Variants in USH2A observed in about 807,000 individuals in gnomAD.
USH2A encodes the protein usherin.
USH2A carries 443 observed loss-of-function variants against 538.9 expected under a neutral mutation model. The ratio of observed to expected loss-of-function variants is 0.82; its 90% CI spans 0.76 to 0.89. The LOEUF is 0.89. Among genes scored for constraint, USH2A ranks in the 40% least tolerant of loss-of-function variants. The pLI, the probability that USH2A is intolerant of heterozygous loss-of-function variation, is 0.00. For missense variants in USH2A, 6,633 were observed against 6,324.8 expected (o/e 1.05, Z -1.65); for synonymous variants, 2,413 against 2,273.5 (o/e 1.06, Z -1.75).
intron 61 of USH2A, among the ~76,000 whole-genome samples, chr1:215,692,884 T>C (rs1334570919): frequency 6.6e-6 from 1 of 151,890 alleles, no homozygotes; most frequent in Non-Finnish European, 1.5e-5. Context: ...ACAAAAGTTA[T>C]TTATTTACCA....
chr1:216,238,289 G>A (rs1004290991), intron 13 of USH2A, among the ~76,000 whole-genome samples: 9 of 152,126 alleles, frequency 5.9e-5, no homozygotes, highest in Admixed American at 5.2e-4. Context: ...TGCACTCTCT[G>A]CCTCTAGTTC....
intron 35 of USH2A, among the ~76,000 whole-genome samples, chr1:215,990,512 G>C (rs889145608): frequency 6.6e-6 from 1 of 152,120 alleles, no homozygotes; most frequent in Non-Finnish European, 1.5e-5. Flanking sequence ...AATGATTTAT[G>C]GTCCTTAGCA....
intron 20 of USH2A, among the ~76,000 whole-genome samples, chr1:216,182,710 G>C (rs2034518792): frequency 6.6e-6 from 1 of 152,006 alleles, no homozygotes; most frequent in African/African-American, 2.4e-5. Flanking sequence ...ACTAGGTAAG[G>C]ATCAAAATAA....
chr1:216,346,472 G>A (rs944258371), intron 4 of USH2A, among the ~76,000 whole-genome samples: 1 of 151,968 alleles, frequency 6.6e-6, no homozygotes, highest in Non-Finnish European at 1.5e-5. Flanking sequence ...CTTTACATTA[G>A]GAAAGAGCTT....
In USH2A at chr1:215,756,356, A is replaced by T. The variant is rs370385295; in HGVS notation, c.11389+2239T>A. Among the ~76,000 whole-genome samples, 12 of 152,308 alleles carry T rather than the reference A, an allele frequency of 7.9e-5. No individual in the cohort carries two copies. The South Asian group carries it at 2.3e-3, about 29-fold the overall frequency. On this transcript the variant is annotated intron_variant, in intron 58 of 71. Coordinates refer to ENST00000307340, the MANE Select transcript of USH2A (RefSeq NM_206933.4). ...TGAACATGAAGTCTTCAGATTAGCA[A>T]TGGCAACTGATATGTTAAATAATGT...
chr1:215,722,224 T>C (rs60937674), intron 61 of USH2A, among the ~76,000 whole-genome samples: 2,125 of 152,272 alleles, frequency 0.014, 44 homozygotes, highest in African/African-American at 0.049. Context: ...CCAGGAAATA[T>C]GATAATTATT....
At chr1:216,218,001 T>A (rs1365815630) in intron 14 of USH2A, among the ~76,000 whole-genome samples, 1 of 152,062 alleles carries the variant, frequency 6.6e-6, no homozygotes, top group Non-Finnish European at 1.5e-5. Flanking sequence ...GGGTAAATCA[T>A]TGCTCTCCCT....
intron 32 of USH2A, among the ~76,000 whole-genome samples, chr1:216,039,824 A>C (rs1399752247): frequency 2.0e-5 from 3 of 151,922 alleles, no homozygotes; most frequent in Non-Finnish European, 2.9e-5. Context: ...GTAAGACTTA[A>C]GTGTTTGGAA....
chr1:216,342,135 T>G (rs2038087980), intron 4 of USH2A, among the ~76,000 whole-genome samples: 1 of 151,964 alleles, frequency 6.6e-6, no homozygotes, highest in Non-Finnish European at 1.5e-5. Flanking sequence ...GCAAGGAACT[T>G]AAACAAATGT....
chr1:216,160,213 G>T lies in USH2A; in HGVS notation c.4627+15039C>A, dbSNP rs1572010248. The stretch of plus-strand genomic sequence containing the variant: ...GTGTCATATGCTGCTTTAATTTCCT[G>T]GTTTCTTCTTGAGTGGGAAGCTAAT... On this transcript the variant is annotated intron_variant, in intron 21 of 71. Coordinates refer to ENST00000307340, the MANE Select transcript of USH2A (RefSeq NM_206933.4). 4.0e-5 allele frequency among the ~76,000 whole-genome samples: 6 copies of T among 151,336 alleles called. No individual in the cohort carries two copies. The South Asian group carries it at 1.3e-3, about 32-fold the overall frequency.
At chr1:215,676,164 T>C (rs1231057920) in intron 62 of USH2A, among the ~76,000 whole-genome samples, 1 of 152,070 alleles carries the variant, frequency 6.6e-6, no homozygotes, top group Non-Finnish European at 1.5e-5. Flanking sequence ...AGTACAAATA[T>C]CCATACATAT....
intron 61 of USH2A, among the ~76,000 whole-genome samples, chr1:215,681,443 A>C (rs1344488194): frequency 6.6e-6 from 1 of 152,154 alleles, no homozygotes; most frequent in Non-Finnish European, 1.5e-5. Context: ...ATTTACATTC[A>C]ATGATCTGCT....
At position 216,020,849 on chromosome 1, in the gene USH2A, T is replaced by C. The variant is rs183496937; in HGVS notation, c.6326-20287A>G. On this transcript the variant is annotated intron_variant, in intron 32 of 71. Coordinates refer to ENST00000307340, the MANE Select transcript of USH2A (RefSeq NM_206933.4). ...TCATCTGGCTGTTTATATGCATCCT[T>C]TAAAATAAACTGCAATAGTAAGTAG... Among the ~76,000 whole-genome samples, 202 of 152,272 alleles carry C rather than the reference T, an allele frequency of 1.3e-3. 1 individual carries two copies. Among genetic ancestry groups the C allele is most frequent in the African/African-American group, 4.2e-3 (176 of 41,562 alleles).
At chr1:216,068,437 G>C (rs902323939) in intron 30 of USH2A, among the ~76,000 whole-genome samples, 2 of 152,176 alleles carry the variant, frequency 1.3e-5, no homozygotes, top group Admixed American at 6.5e-5. Context: ...CTGGGGGCTT[G>C]TTAAAACAAG....
chr1:215,683,214 T>A (rs1658296693), intron 61 of USH2A, among the ~76,000 whole-genome samples: 1 of 88,802 alleles, frequency 1.1e-5, no homozygotes, highest in Non-Finnish European at 2.2e-5. Flanking sequence ...TGAATAGTTT[T>A]ATACACACAC....
chr1:216,273,630 C>G (rs566613311), intron 11 of USH2A, among the ~76,000 whole-genome samples: 3 of 152,064 alleles, frequency 2.0e-5, no homozygotes, highest in Non-Finnish European at 2.9e-5. Flanking sequence ...ATAGGAACGT[C>G]CCTACATTTG....
Position 216,077,960 on chromosome 1 carries a change from C to T in USH2A, c.5572+129G>A, listed in dbSNP as rs1033515507. On this transcript the variant is annotated intron_variant, in intron 27 of 71. Transcript: ENST00000307340. ...TTAGTTTTTAAGGTTTAAATTTCTC[C>T]AGAAAAAGAGATGCTGTTGGGTGCT... 2.6e-5 allele frequency: 30 copies of T among 1,166,482 alleles called. No homozygotes were observed. The African/African-American group carries it at 3.7e-4, about 14-fold the overall frequency. 72.3% of individuals were successfully genotyped at this position (1,166,482 alleles called of 1,614,324 possible). A position where few individuals can be genotyped will look rare whatever the true frequency, so the allele number is the denominator to read the frequency against.
At chr1:215,672,345 G>A (rs1304379820) in intron 63 of USH2A, among the ~76,000 whole-genome samples, 4 of 151,888 alleles carry the variant, frequency 2.6e-5, no homozygotes, top group Non-Finnish European at 5.9e-5. Context: ...TCTTGTACAT[G>A]TTCTGTCTCT....
chr1:216,347,753 C>G (rs187889081), intron 4 of USH2A, among the ~76,000 whole-genome samples: 83 of 152,180 alleles, frequency 5.5e-4, no homozygotes, highest in Non-Finnish European at 9.9e-4. Flanking sequence ...ATATGTCGTT[C>G]TAAAACTTTT....
Sources: gnomAD v4.1 joint callset for allele counts (sites outside exome capture counted in the v4.1 genomes callset) on GRCh38, gnomAD v4.1.1 for gene constraint, MANE v1.5 for transcripts, NCBI Gene and HGNC (gene_info 2026-07-23, HGNC 2026-07-21) for gene names.